The following MTCH2 variants were observed in gnomAD, a reference collection of about 807,000 sequenced individuals.
MTCH2 encodes the protein mitochondrial carrier 2.
Under a neutral mutation model 50.6 loss-of-function variants are expected in MTCH2, and 25 were observed. That is an observed-to-expected ratio of 0.49 (90% CI 0.36 to 0.69). MTCH2 has a LOEUF of 0.69. Among genes scored for constraint, MTCH2 ranks in the 30% least tolerant of loss-of-function variants. The pLI, the probability that MTCH2 is intolerant of heterozygous loss-of-function variation, is 0.00. For synonymous variants in MTCH2, 106 were observed against 132.0 expected (o/e 0.80, Z 1.35); for missense variants, 273 against 384.4 (o/e 0.71, Z 2.42).
rs34535767 is a variant in MTCH2, at chr11:47,636,951, C to G, written c.280-1380G>C. Among the ~76,000 whole-genome samples the G allele has an allele frequency of 6.3e-3, 729 of 115,336 alleles. 8 individuals are homozygous for G. The highest frequency in any genetic ancestry group is 0.023 in the African/African-American group (707 of 30,362). The allele number at this position is 115,336 out of a possible 152,430, so 75.7% of individuals were successfully genotyped here. On this transcript the variant is annotated intron_variant, in intron 3 of 12. Transcript: ENST00000302503. ...AAGAACAACAACAAAAAAGAAAATT[C>G]AAGAACTCTGTTTTTTTTTTTTTTT... is the stretch of plus-strand genomic sequence containing the variant.
the MTCH2 span, among the ~76,000 whole-genome samples, chr11:47,605,693 G>T: frequency 6.6e-6 from 1 of 152,152 alleles, no homozygotes; most frequent in Non-Finnish European, 1.5e-5. Context: ...GAGCACAGCA[G>T]TTACATGAAT....
intron 5 of MTCH2, among the ~76,000 whole-genome samples, chr11:47,632,416 C>T (rs1286710792): frequency 1.3e-5 from 2 of 150,752 alleles, no homozygotes; most frequent in African/African-American, 4.9e-5. Context: ...TGCAGTGGCG[C>T]GAACTCGGTT....
intron 5 of MTCH2, among the ~76,000 whole-genome samples, chr11:47,632,590 C>T (rs1206789011): frequency 3.3e-5 from 5 of 152,098 alleles, no homozygotes; most frequent in African/African-American, 1.2e-4. Context: ...GATCTCCTGA[C>T]CTCATGATCC....
chr11:47,621,832 CTG>C lies in MTCH2; in HGVS notation c.825+867_825+868del, dbSNP rs541601222. Among the ~76,000 whole-genome samples the C allele has an allele frequency of 2.7e-3, 417 of 152,152 alleles. 3 individuals carry two copies. The highest frequency in any genetic ancestry group is 0.014 in the Middle Eastern group (4 of 294). On this transcript the variant is annotated intron_variant, in intron 12 of 12. Transcript: ENST00000302503. ...CCTCCTGGCTCAGCCTCCTGAGTAA[CTG>C]GAACTATAGGCATGAGCCACCATAC...
At chr11:47,621,436 CTTTT>C (rs67019206) in intron 12 of MTCH2, among the ~76,000 whole-genome samples, 1 of 138,092 alleles carries the variant, frequency 7.2e-6, no homozygotes, top group Non-Finnish European at 1.6e-5. Context: ...TTGTTATTGT[CTTTT>C]TTTTTTTTTT....
Position 47,631,714 on chromosome 11 carries a change from A to G in MTCH2, c.370-3T>C, listed in dbSNP as rs1018801571. The G allele has an allele frequency of 6.2e-7, 1 of 1,613,906 alleles. No individual in the cohort carries two copies. Among genetic ancestry groups the G allele is most frequent in the African/African-American group, 1.3e-5 (1 of 74,910 alleles). ...CGAGCGATCATCTCTCGAGTTGTCT[A>G]GAAACAATCAACACACACTTCTGAA... is the stretch of plus-strand genomic sequence containing the variant. On this transcript the variant is annotated splice_polypyrimidine_tract_variant and splice_region_variant and intron_variant, in intron 5 of 12. Transcript: ENST00000302503.
intron 1 of MTCH2, among the ~76,000 whole-genome samples, chr11:47,640,059 T>C (rs2097312578): frequency 1.3e-5 from 2 of 152,122 alleles, no homozygotes; most frequent in South Asian, 4.2e-4. Context: ...GCTGGCGTGG[T>C]GGCTCATGCA....
At chr11:47,613,851 G>A (rs2097286858), downstream of MTCH2, among the ~76,000 whole-genome samples, 1 of 152,034 alleles carries the variant, frequency 6.6e-6, no homozygotes, top group African/African-American at 2.4e-5. Flanking sequence ...ACTTTGGGAG[G>A]CCCAGGCAGA....
chr11:47,605,521 C>CTT, the MTCH2 span, among the ~76,000 whole-genome samples: 1 of 152,068 alleles, frequency 6.6e-6, no homozygotes, highest in African/African-American at 2.4e-5. Flanking sequence ...AGAATCTTGA[C>CTT]TTTGAAATAT....
intron 10 of MTCH2, 139 bp from the exon 11 acceptor site, chr11:47,625,880 C>T (rs1014704207): frequency 3.4e-6 from 2 of 582,444 alleles, no homozygotes; most frequent in Non-Finnish European, 6.0e-6. Flanking sequence ...GGAAAGACAA[C>T]AGTTACAGTT....
At chr11:47,632,297 T>TA in intron 5 of MTCH2, among the ~76,000 whole-genome samples, 1 of 152,112 alleles carries the variant, frequency 6.6e-6, no homozygotes, top group East Asian at 1.9e-4. Flanking sequence ...AATTAAATTA[T>TA]AATCTTTGCA....
intron 10 of MTCH2, 96 bp from the exon 11 acceptor site, chr11:47,625,837 A>AAGTGTTAGAGTGT: frequency 1.1e-6 from 1 of 875,874 alleles, no homozygotes; most frequent in Non-Finnish European, 1.8e-6. Flanking sequence ...GCGGTGAGAC[A>AAGTGTTAGAGTGT]CTCTAACACT....
At chr11:47,633,524 A>AT (rs1199068244) in intron 5 of MTCH2, among the ~76,000 whole-genome samples, 17 of 55,308 alleles carry the variant, frequency 3.1e-4, no homozygotes, top group African/African-American at 1.5e-3. Context: ...ATATATATAT[A>AT]TATTTTTTTT....
downstream of MTCH2, among the ~76,000 whole-genome samples, chr11:47,614,108 CAA>C (rs1350110568): frequency 1.3e-5 from 2 of 151,274 alleles, no homozygotes; most frequent in Non-Finnish European, 3.0e-5. Context: ...CACAAAAACA[CAA>C]TGTGGTTTAC....
In MTCH2 at chr11:47,625,936, A is replaced by G. The variant is rs879027777; in HGVS notation, c.682-195T>C. ...TCCTCTTAGCACACCACTGCATCCAACATTTTAACAAAAGGCCAGAAGAAT... is the reference window on the plus strand; with the variant it reads ...TCCTCTTAGCACACCACTGCATCCAGCATTTTAACAAAAGGCCAGAAGAAT... On this transcript the variant is annotated intron_variant, in intron 10 of 12. Coordinates refer to ENST00000302503, the MANE Select transcript of MTCH2 (RefSeq NM_014342.4). Among the ~76,000 whole-genome samples, 7 of 152,188 alleles carry G rather than the reference A, an allele frequency of 4.6e-5. 1 individual carries two copies. In the South Asian group the frequency reaches 1.2e-3, roughly 27 times the overall value.
At chr11:47,630,666 T>C (rs1460098052) in intron 7 of MTCH2, 52 bp from the exon 8 acceptor site, 3 of 1,501,086 alleles carry the variant, frequency 2.0e-6, no homozygotes, top group Admixed American at 1.7e-5. Flanking sequence ...TTTGGAGCTA[T>C]AAACAAAATA....
At chr11:47,628,291 AG>A (rs2097299873) in intron 9 of MTCH2, among the ~76,000 whole-genome samples, 1 of 152,134 alleles carries the variant, frequency 6.6e-6, no homozygotes, top group Admixed American at 6.6e-5. Context: ...TTAGATGAAA[AG>A]CCCCCGATAC....
At chr11:47,630,894 T>C (rs913886221) in intron 7 of MTCH2, 142 bp downstream of exon 7, 34 of 786,834 alleles carry the variant, frequency 4.3e-5, no homozygotes, top group Admixed American at 2.8e-4. Context: ...TCCCATTTTA[T>C]TGTTTTTTGT....
intron 1 of MTCH2, among the ~76,000 whole-genome samples, chr11:47,640,890 C>A (rs1441785528): frequency 6.6e-6 from 1 of 151,722 alleles, no homozygotes; most frequent in East Asian, 1.9e-4. Context: ...GTAGTGGGTT[C>A]TTTTTTGTTT....
Sources: gnomAD v4.1 joint callset for allele counts (sites outside exome capture counted in the v4.1 genomes callset) on GRCh38, gnomAD v4.1.1 for gene constraint, MANE v1.5 for transcripts, NCBI Gene and HGNC (gene_info 2026-07-23, HGNC 2026-07-21) for gene names.